Variants in KCNA6 observed in about 807,000 individuals in gnomAD.
KCNA6 encodes potassium voltage-gated channel subfamily A member 6.
In KCNA6, 17 loss-of-function variants were observed where a neutral mutation model predicts 29.5. The ratio of observed to expected loss-of-function variants is 0.58; its 90% CI spans 0.39 to 0.86. The LOEUF is 0.86. Ranked by LOEUF, KCNA6 falls within the 40% of genes least tolerant of loss-of-function variation. The pLI, the probability that KCNA6 is intolerant of heterozygous loss-of-function variation, is 0.00. For missense variants in KCNA6, 450 were observed against 703.4 expected, an observed-to-expected ratio of 0.64 and a Z score of 4.07; for synonymous variants, 296 against 304.7, an observed-to-expected ratio of 0.97 and a Z score of 0.30.
At chr12:4,845,967 A>G in the KCNA6 span, among the ~76,000 whole-genome samples, 1 of 133,172 alleles carries the variant, frequency 7.5e-6, no homozygotes, top group Non-Finnish European at 1.6e-5. Context: ...TGGACCAGAC[A>G]TGTTTCGAAT....
chr12:4,826,171 T>C, the KCNA6 span, among the ~76,000 whole-genome samples: 2 of 152,230 alleles, frequency 1.3e-5, no homozygotes, highest in Non-Finnish European at 2.9e-5. Flanking sequence ...ACCTGGTTCC[T>C]CTGGTGCTTG....
the KCNA6 span, chr12:4,851,021 G>C: frequency 1.0e-5 from 3 of 294,546 alleles, no homozygotes; most frequent in South Asian, 5.9e-5. Flanking sequence ...GGGTGGTCAG[G>C]GGATTCCGGG....
At chr12:4,826,581 C>T in the KCNA6 span, among the ~76,000 whole-genome samples, 1 of 152,242 alleles carries the variant, frequency 6.6e-6, no homozygotes, top group Non-Finnish European at 1.5e-5. Flanking sequence ...CTACACATGT[C>T]ACCTGCCTGG....
the KCNA6 span, among the ~76,000 whole-genome samples, chr12:4,828,249 C>A: frequency 1.3e-5 from 2 of 152,318 alleles, no homozygotes; most frequent in East Asian, 3.9e-4. Flanking sequence ...CTCCCCCAGA[C>A]TAACTTTGTC....
Position 4,811,194 on chromosome 12 carries a change from A to G in KCNA6, c.1153A>G (p.Ile385Val), listed in dbSNP as rs762449022. Residue 385 changes from isoleucine (I) to valine (V), a missense_variant, in exon 1 of 1, where the codon ATC becomes GTC. Ile to Val is a conservative substitution (Grantham distance 29). Coordinates refer to ENST00000280684, the Ensembl canonical transcript of KCNA6. This position sits in a 1 kb window ranked among gnomAD's most constrained non-coding sequence, Gnocchi z 7.1. ...GGGGCTGCTCATCTTCTTCCTCTTC[A>G]TCGGGGTCATCCTCTTCTCCAGTGC... 5.8e-5 allele frequency: 94 copies of G among 1,614,092 alleles called. No individual in the cohort carries two copies. The highest frequency in any genetic ancestry group is 8.0e-5 in the Non-Finnish European group (94 of 1,180,038).
chr12:4,825,162 T>TG, the KCNA6 span, among the ~76,000 whole-genome samples: 1 of 152,234 alleles, frequency 6.6e-6, no homozygotes, highest in Non-Finnish European at 1.5e-5. Context: ...CCTCCTGTTT[T>TG]GTCTTCTGCT....
chr12:4,849,178 A>G, the KCNA6 span, among the ~76,000 whole-genome samples: 3 of 152,112 alleles, frequency 2.0e-5, no homozygotes, highest in African/African-American at 7.2e-5. Flanking sequence ...GCATTCCCTA[A>G]GAACATGCTG....
the KCNA6 span, among the ~76,000 whole-genome samples, chr12:4,833,664 C>T: frequency 6.6e-6 from 1 of 152,176 alleles, no homozygotes; most frequent in Admixed American, 6.5e-5. Context: ...GCCTCATGCT[C>T]ACAGATGGCA....
chr12:4,833,814 A>G, the KCNA6 span, among the ~76,000 whole-genome samples: 3 of 152,322 alleles, frequency 2.0e-5, no homozygotes, highest in South Asian at 6.2e-4. Flanking sequence ...TGTCCTAACC[A>G]GAATAGACCA....
At chr12:4,842,215 T>C in the KCNA6 span, among the ~76,000 whole-genome samples, 8 of 152,164 alleles carry the variant, frequency 5.3e-5, no homozygotes, top group Non-Finnish European at 2.9e-5. Flanking sequence ...TTTTAGCTGA[T>C]ATTTGAATAA....
chr12:4,844,920 T>A, the KCNA6 span, among the ~76,000 whole-genome samples: 1 of 152,218 alleles, frequency 6.6e-6, no homozygotes, highest in East Asian at 1.9e-4. This position sits in a 1 kb window ranked among gnomAD's most constrained non-coding sequence, Gnocchi z 4.0. Context: ...ATTTTCAGTG[T>A]TCCTGTTTAT....
chr12:4,839,457 C>A, the KCNA6 span: 2 of 152,264 alleles, frequency 1.3e-5, no homozygotes, highest in Non-Finnish European at 2.9e-5. Context: ...ATATAACATA[C>A]AAAATATGTG....
the KCNA6 span, among the ~76,000 whole-genome samples, chr12:4,841,465 A>G: frequency 6.6e-6 from 1 of 152,234 alleles, no homozygotes; most frequent in Admixed American, 6.5e-5. Flanking sequence ...AGGCAAGATG[A>G]AAATCATTAG....
At chr12:4,850,939 G>A in the KCNA6 span, 1 of 389,178 alleles carries the variant, frequency 2.6e-6, no homozygotes, top group Non-Finnish European at 5.2e-6. This position sits in a 1 kb window ranked among gnomAD's most constrained non-coding sequence, Gnocchi z 5.4. Context: ...CTAAAGATGG[G>A]GCCCAGAATG....
the KCNA6 span, among the ~76,000 whole-genome samples, chr12:4,843,607 G>A: frequency 1.3e-5 from 2 of 152,312 alleles, no homozygotes; most frequent in Non-Finnish European, 1.5e-5. Context: ...TAAGAAAAGA[G>A]GTTTAATTGG....
exon 1 of KCNA6, chr12:4,809,865 G>A (rs1459522673): frequency 1.6e-5 from 11 of 686,916 alleles, no homozygotes; most frequent in Non-Finnish European, 2.6e-5. Flanking sequence ...ACCCAGCCTT[G>A]CAGGGACCAG....
the KCNA6 span, among the ~76,000 whole-genome samples, chr12:4,818,683 A>G: frequency 1.3e-5 from 2 of 152,162 alleles, no homozygotes; most frequent in South Asian, 4.1e-4. Context: ...GATGGAACAG[A>G]ATGGAATGCA....
At chr12:4,817,441 T>C (rs927947688), downstream of KCNA6, among the ~76,000 whole-genome samples, 2 of 152,152 alleles carry the variant, frequency 1.3e-5, no homozygotes, top group African/African-American at 4.8e-5. Flanking sequence ...AATGGTCATG[T>C]TTTTCATGTC....
chr12:4,811,654 G>T lies in KCNA6; in HGVS notation c.*23G>T, dbSNP rs760817188. 4 of 1,600,666 alleles carry T rather than the reference G, an allele frequency of 2.5e-6. No homozygotes were observed. The highest frequency in any genetic ancestry group is 2.6e-6 in the Non-Finnish European group (3 of 1,172,540). On this transcript the variant is annotated 3_prime_UTR_variant, in exon 1 of 1. Coordinates refer to ENST00000280684, the Ensembl canonical transcript of KCNA6. This position sits in a 1 kb window ranked among gnomAD's most constrained non-coding sequence, Gnocchi z 7.1. Reference sequence around the variant, plus strand: ...TGACCCATGCAGGCAGGGCCTGCAGGAGGGGAGCACTGAGCTAACAGTCTC... The same window carrying T: ...TGACCCATGCAGGCAGGGCCTGCAGTAGGGGAGCACTGAGCTAACAGTCTC...
Sources: allele counts gnomAD v4.1 joint callset (sites outside exome capture counted in the v4.1 genomes callset), GRCh38; gene constraint gnomAD v4.1.1; non-coding constraint Gnocchi (gnomAD v3.1); transcripts MANE v1.5; gene names NCBI Gene and HGNC (gene_info 2026-07-23, HGNC 2026-07-21).